FBXO16: variants seen among roughly 807,000 people sequenced by gnomAD.
The protein encoded by FBXO16 is F-box only protein 16.
FBXO16 carries 31 observed loss-of-function variants against 41.0 expected under a neutral mutation model. The ratio of observed to expected loss-of-function variants is 0.76; its 90% CI spans 0.57 to 1.02. The LOEUF (loss-of-function observed/expected upper bound fraction) is 1.02, where lower values mean the gene tolerates loss of function less well. Among genes scored for constraint, FBXO16 ranks in the 50% least tolerant of loss-of-function variants. FBXO16 has a pLI of 0.00. For missense variants in FBXO16, 361 were observed against 346.2 expected, an observed-to-expected ratio of 1.04 and a Z score of -0.34; for synonymous variants, 133 against 117.8, an observed-to-expected ratio of 1.13 and a Z score of -0.84.
chr8:28,481,874 T>C (rs7008943), intron 2 of FBXO16, among the ~76,000 whole-genome samples: 66,753 of 151,232 alleles, frequency 0.44, 15,153 homozygotes, highest in East Asian at 0.63. Flanking sequence ...TCTTGCAGGT[T>C]GTGTCTGCAG....
intron 3 of FBXO16, among the ~76,000 whole-genome samples, chr8:28,469,642 G>A (rs557781677): frequency 1.4e-4 from 22 of 152,252 alleles, no homozygotes; most frequent in Non-Finnish European, 2.9e-4. Context: ...GGTGGCTCAC[G>A]CCTGTAATAC....
intron 4 of FBXO16, among the ~76,000 whole-genome samples, chr8:28,458,339 G>C (rs1436805435): frequency 6.6e-6 from 1 of 152,136 alleles, no homozygotes; most frequent in East Asian, 1.9e-4. Context: ...TAGGGAAGGA[G>C]GAAAAAGTTT....
chr8:28,477,508 C>G (rs959118377), intron 2 of FBXO16, among the ~76,000 whole-genome samples: 3 of 152,190 alleles, frequency 2.0e-5, no homozygotes, highest in Admixed American at 6.5e-5. Flanking sequence ...ACTGGTACAG[C>G]TGATTTGAAA....
chr8:28,454,660 G>A (rs1180294609), intron 5 of FBXO16, among the ~76,000 whole-genome samples: 2 of 148,952 alleles, frequency 1.3e-5, no homozygotes, highest in Non-Finnish European at 3.0e-5. Flanking sequence ...CCCGGGAGGC[G>A]GAGCTTGCAG....
intron 2 of FBXO16, among the ~76,000 whole-genome samples, chr8:28,479,269 C>T (rs1339635378): frequency 6.6e-6 from 1 of 152,298 alleles, no homozygotes; most frequent in East Asian, 1.9e-4. Context: ...CCAACTTCTT[C>T]CTTTGCCCTG....
At chr8:28,480,946 A>G (rs1330546085) in intron 2 of FBXO16, among the ~76,000 whole-genome samples, 2 of 152,228 alleles carry the variant, frequency 1.3e-5, no homozygotes, top group African/African-American at 4.8e-5. Flanking sequence ...AGGAAGCAGG[A>G]CACGGGGAGG....
chr8:28,478,361 C>T (rs1048700984), intron 2 of FBXO16, among the ~76,000 whole-genome samples: 3 of 152,072 alleles, frequency 2.0e-5, no homozygotes, highest in Admixed American at 6.5e-5. Flanking sequence ...TTGAGAGAGC[C>T]GCCTTGCCCA....
rs11784116 is a variant in FBXO16 at position 28,487,464 on chromosome 8, G to A, written c.-17+2722C>T. 2.9e-3 allele frequency among the ~76,000 whole-genome samples: 435 copies of A among 148,262 alleles called. 10 individuals carry two copies. Among genetic ancestry groups the A allele is most frequent in the South Asian group, 4.7e-3 (22 of 4,664 alleles). The stretch of plus-strand genomic sequence containing the variant: ...GGCTGGAGTGCAGTGGCGTGATCTC[G>A]GCTTACTGCACCTACGCTTCCCAGG... On this transcript the variant is annotated intron_variant, in intron 1 of 8. Transcript: ENST00000380254.
chr8:28,435,538 G>C (rs926513944), intron 7 of FBXO16, among the ~76,000 whole-genome samples: 5 of 152,102 alleles, frequency 3.3e-5, no homozygotes, highest in African/African-American at 1.2e-4. Context: ...AGAGGGGTAA[G>C]GAAATGCCCC....
intron 4 of FBXO16, among the ~76,000 whole-genome samples, chr8:28,461,462 C>T (rs1032061169): frequency 3.3e-5 from 5 of 152,082 alleles, no homozygotes; most frequent in African/African-American, 1.2e-4. Context: ...CATAATGAGG[C>T]TAAGCATCTT....
intron 2 of FBXO16, among the ~76,000 whole-genome samples, chr8:28,477,215 A>G (rs1002344666): frequency 1.3e-5 from 2 of 152,192 alleles, no homozygotes; most frequent in African/African-American, 2.4e-5. Flanking sequence ...AGATAGTTAC[A>G]TATTTCACAT....
chr8:28,447,131 T>C, intron 7 of FBXO16, 40 bp downstream of exon 7: 1 of 1,529,946 alleles, frequency 6.5e-7, no homozygotes, highest in Non-Finnish European at 8.9e-7. Context: ...GAGATTTTCA[T>C]TAATGTTATG....
chr8:28,447,336 T>C lies in FBXO16; in HGVS notation c.741-63A>G, dbSNP rs192598873. On this transcript the variant is annotated intron_variant, in intron 6 of 8. Transcript: ENST00000380254. ...CTTTTTAAAACTCAGGTGGTTTGCA[T>C]AGCTATTTGTCTGTTTGAGTTTGTT... 9.6e-5 allele frequency: 131 copies of C among 1,370,028 alleles called. No individual in the cohort carries two copies. The Middle Eastern group carries it at 1.1e-3, about 11-fold the overall frequency. 84.9% of individuals were successfully genotyped at this position (1,370,028 alleles called of 1,614,324 possible). A position where few individuals can be genotyped will look rare whatever the true frequency, so the allele number is the denominator to read the frequency against.
At chr8:28,472,795 A>G (rs1327617819) in intron 3 of FBXO16, among the ~76,000 whole-genome samples, 1 of 152,202 alleles carries the variant, frequency 6.6e-6, no homozygotes, top group African/African-American at 2.4e-5. Context: ...CTCCTTTGAC[A>G]GCTGGCTCCC....
At chr8:28,458,121 A>G (rs1170955664) in intron 4 of FBXO16, among the ~76,000 whole-genome samples, 1 of 152,224 alleles carries the variant, frequency 6.6e-6, no homozygotes, top group Admixed American at 6.5e-5. Flanking sequence ...TAAATAATTA[A>G]TAATTTTTGA....
Position 28,452,325 on chromosome 8 carries a change from C to T in FBXO16, c.659G>A (p.Arg220Gln), listed in dbSNP as rs372049768. The stretch of plus-strand genomic sequence containing the variant: ...ATCTGTTGGGTGCTTATCAGAAGAT[C>T]GCCAGGGTGGAAGTGCTTTCTCCCC... ...NSGEKALPPW[R>Q]SSDKHPTDII... The change falls in exon 6 of 9, where the codon CGA becomes CAA. Residue 220 changes from arginine to glutamine, a missense_variant. Coordinates refer to ENST00000380254, the MANE Select transcript of FBXO16 (RefSeq NM_172366.4). The T allele has an allele frequency of 8.1e-6, 13 of 1,614,146 alleles. No individual in the cohort carries two copies. Among genetic ancestry groups the T allele is most frequent in the Admixed American group, 5.0e-5 (3 of 60,002 alleles).
chr8:28,446,425 A>C (rs979908237), intron 7 of FBXO16, among the ~76,000 whole-genome samples: 2 of 151,220 alleles, frequency 1.3e-5, no homozygotes, highest in Non-Finnish European at 3.0e-5. Context: ...CTCCTGCCTC[A>C]GCCTCCCAAA....
intron 7 of FBXO16, among the ~76,000 whole-genome samples, chr8:28,443,496 A>C (rs1392951813): frequency 6.6e-6 from 1 of 152,092 alleles, no homozygotes; most frequent in Non-Finnish European, 1.5e-5. Flanking sequence ...TTGCCTTTAG[A>C]AGGTGCTCCC....
At chr8:28,456,741 T>C (rs1188255312) in intron 5 of FBXO16, 25 bp downstream of exon 5, 4 of 1,610,796 alleles carry the variant, frequency 2.5e-6, no homozygotes, top group East Asian at 2.2e-5. Context: ...GTTTGCAAGC[T>C]TGTGGCTTTC....
Sources: gnomAD v4.1 joint callset for allele counts (sites outside exome capture counted in the v4.1 genomes callset) on GRCh38, gnomAD v4.1.1 for gene constraint, MANE v1.5 for transcripts, NCBI Gene and HGNC (gene_info 2026-07-23, HGNC 2026-07-21) for gene names.